The following AOX1 variants were observed in gnomAD, a reference collection of about 807,000 sequenced individuals.
The protein encoded by AOX1 is aldehyde oxidase 1, also known as aldehyde oxidase.
Under a neutral mutation model 169.5 loss-of-function variants are expected in AOX1, and 153 were observed. The ratio of observed to expected loss-of-function variants is 0.90; its 90% confidence interval spans 0.79 to 1.03. The LOEUF (loss-of-function observed/expected upper bound fraction) is 1.03. AOX1 is among the 50% of genes least tolerant of loss of function. The probability of loss-of-function intolerance (pLI) is 0.00; values close to 1 mark genes in which losing one functional copy is unlikely to be tolerated. For missense variants in AOX1, 1,656 were observed against 1,663.9 expected (o/e 1.00, Z 0.08); for synonymous variants, 562 against 581.9 (o/e 0.97, Z 0.49).
intron 25 of AOX1, among the ~76,000 whole-genome samples, chr2:200,648,476 C>T (rs1174920010): frequency 6.6e-6 from 1 of 152,182 alleles, no homozygotes; most frequent in East Asian, 1.9e-4. Context: ...ATACCAGTGC[C>T]TGTTCCGGTG....
Position 200,621,246 on chromosome 2 carries a change from G to A in AOX1, c.2001G>A (p.Lys667=), listed in dbSNP as rs1182244803. Residue 667 remains lysine, a splice_region_variant and synonymous_variant, in exon 18 of 35, where the codon AAG becomes AAA. Transcript: ENST00000374700. ...TEAEKFLATD[K]VFCVGQLVCA... ...CTGAGAAATTTCTGGCGACAGATAA[G>A]GTACTGCATTTTTGCTTTCTATTTG... 8 of 1,609,168 alleles carry A rather than the reference G, an allele frequency of 5.0e-6. No homozygotes were observed. The highest frequency in any genetic ancestry group is 1.1e-5 in the South Asian group (1 of 89,784).
chr2:200,598,809 A>G (rs1417477892), intron 4 of AOX1, among the ~76,000 whole-genome samples: 1 of 152,150 alleles, frequency 6.6e-6, no homozygotes, highest in Non-Finnish European at 1.5e-5. Flanking sequence ...ATGAGAAAAG[A>G]TAGAAGGAAA....
chr2:200,639,455 T>A (rs898060113), intron 23 of AOX1, among the ~76,000 whole-genome samples: 8 of 152,222 alleles, frequency 5.3e-5, no homozygotes, highest in Non-Finnish European at 1.2e-4. Context: ...TAGGATTTGT[T>A]AAATGCATAG....
intron 18 of AOX1, among the ~76,000 whole-genome samples, chr2:200,622,232 G>C (rs17533140): frequency 0.16 from 23,784 of 152,214 alleles, 2,144 homozygotes; most frequent in Non-Finnish European, 0.2. Flanking sequence ...CTTCCACCTA[G>C]TATAAATTCC....
At position 200,621,106 on chromosome 2, in the gene AOX1, T is replaced by G. The variant is rs1280263173; in HGVS notation, c.1875-14T>G. 5 of 1,609,376 alleles carry G rather than the reference T, an allele frequency of 3.1e-6. No individual in the cohort carries two copies. The highest frequency in any genetic ancestry group is 3.4e-6 in the Non-Finnish European group (4 of 1,178,856). On this transcript the variant is annotated splice_polypyrimidine_tract_variant and intron_variant, in intron 17 of 34. Coordinates refer to ENST00000374700, the MANE Select transcript of AOX1 (RefSeq NM_001159.4). The stretch of plus-strand genomic sequence containing the variant: ...ATGGCCACTCTAAGGAGCTCTGCTG[T>G]GTATATCATCTAGGTCTATTGATCT...
intron 19 of AOX1, 24 bp downstream of exon 19, chr2:200,624,007 G>A (rs2034946996): frequency 6.2e-7 from 1 of 1,610,920 alleles, no homozygotes; most frequent in African/African-American, 1.3e-5. Context: ...TGGAATGGTG[G>A]TGCCAGTTGG....
chr2:200,595,201 C>A, intron 2 of AOX1, 71 bp from the exon 3 acceptor site: 2 of 1,116,518 alleles, frequency 1.8e-6, no homozygotes, highest in East Asian at 2.4e-5. Context: ...ATATTACTGT[C>A]TCCTAGTGGC....
At chr2:200,661,745 T>C in intron 30 of AOX1, 114 bp downstream of exon 30, 2 of 776,884 alleles carry the variant, frequency 2.6e-6, no homozygotes, top group Non-Finnish European at 4.4e-6. Flanking sequence ...TATTTACCCA[T>C]GGTTATAAAG....
intron 26 of AOX1, among the ~76,000 whole-genome samples, chr2:200,653,326 G>A (rs1372924267): frequency 6.6e-6 from 1 of 152,182 alleles, no homozygotes; most frequent in East Asian, 1.9e-4. Flanking sequence ...ACTCCGTGGA[G>A]GGCACATGCT....
rs2035347832 is a variant in AOX1, at chr2:200,641,295, A to G, written c.2655+111A>G. On this transcript the variant is annotated intron_variant, in intron 24 of 34. Transcript: ENST00000374700. ...AATATTTGATTATAAAGGTATAATG[A>G]CCATCCTTGCAGGGATAGCCATGTG... is the stretch of plus-strand genomic sequence containing the variant. 3 of 754,562 alleles carry G rather than the reference A, an allele frequency of 4.0e-6. No homozygotes were observed. The Admixed American group carries it at 6.7e-5, about 17-fold the overall frequency. 46.7% of individuals were successfully genotyped at this position (754,562 alleles called of 1,614,324 possible). A position where few individuals can be genotyped will look rare whatever the true frequency, so the allele number is the denominator to read the frequency against.
At chr2:200,681,629 G>C (rs1399421641), downstream of AOX1, 1 of 152,268 alleles carries the variant, frequency 6.6e-6, no homozygotes, top group Non-Finnish European at 1.5e-5. Flanking sequence ...CACACCTCTT[G>C]AGTAGTGTGG....
intron 21 of AOX1, among the ~76,000 whole-genome samples, chr2:200,636,623 A>T (rs1022611872): frequency 6.6e-6 from 1 of 152,192 alleles, no homozygotes; most frequent in Admixed American, 6.5e-5. Context: ...ACTGGTAATG[A>T]AAACACTACT....
At position 200,668,784 on chromosome 2, in the gene AOX1, A is replaced by T. The variant is rs749155461; in HGVS notation, c.3779A>T (p.Asn1260Ile). Residue 1260 changes from asparagine to isoleucine, a missense_variant, in exon 33 of 35, where the codon AAT becomes ATT. Asn to Ile is a moderately radical substitution (Grantham distance 149). Coordinates refer to ENST00000374700, the MANE Select transcript of AOX1 (RefSeq NM_001159.4). ...TTGTTGCCTCCTTCTCAAAACTCAA[A>T]TACTCTTTATTCATCTAAGGTAAGT... ...IALLPPSQNSNTLYSSKGLGE... is the reference protein window; with the variant it reads ...IALLPPSQNSITLYSSKGLGE... 9.9e-6 allele frequency: 16 copies of T among 1,613,974 alleles called. No individual in the cohort carries two copies. The Admixed American group carries it at 2.7e-4, about 27-fold the overall frequency.
chr2:200,653,670 T>C (rs1488017011), intron 26 of AOX1, among the ~76,000 whole-genome samples: 1 of 152,230 alleles, frequency 6.6e-6, no homozygotes, highest in African/African-American at 2.4e-5. Context: ...CCACCTGTGT[T>C]ATGCAGGCAT....
At chr2:200,629,019 A>T (rs562647817) in intron 20 of AOX1, among the ~76,000 whole-genome samples, 1 of 152,326 alleles carries the variant, frequency 6.6e-6, no homozygotes, top group African/African-American at 2.4e-5. Context: ...AAGAGTCCTA[A>T]GACACATCCC....
rs2035569965 is a variant in AOX1 at position 200,651,034 on chromosome 2, G to A, written c.2908G>A (p.Ala970Thr). The stretch of plus-strand genomic sequence containing the variant: ...AACACCCTACAAACAAGAGATCAAT[G>A]CCAAGAACCTAATCCAGTGTTGGAG... Reference protein sequence around the residue: ...DQTPYKQEINAKNLIQCWREC... With the variant: ...DQTPYKQEINTKNLIQCWREC... The change falls in exon 26 of 35, where the codon GCC becomes ACC. Residue 970 changes from alanine (A) to threonine (T), a missense_variant. Physicochemically the swap from Ala to Thr is moderately conservative, Grantham distance 58 (BLOSUM62 0). Transcript: ENST00000374700. 1 of 1,614,206 alleles carries A rather than the reference G, an allele frequency of 6.2e-7. No homozygotes were observed. Among genetic ancestry groups the A allele is most frequent in the East Asian group, 2.2e-5 (1 of 44,884 alleles).
At position 200,599,743 on chromosome 2, in the gene AOX1, G is replaced by T. The variant is rs536753018; in HGVS notation, c.433G>T (p.Gly145Cys). The T allele has an allele frequency of 6.3e-7, 1 of 1,588,052 alleles. No homozygotes were observed. The highest frequency in any genetic ancestry group is 8.6e-7 in the Non-Finnish European group (1 of 1,168,010). Reference protein sequence around the residue: ...PTLDQLTDALGGNLCRCTGYR... With the variant: ...PTLDQLTDALCGNLCRCTGYR... ...TCTGGATCAGTTAACTGATGCCCTT[G>T]GTGGTAGGTTATATATGCATGCTTT... is the stretch of plus-strand genomic sequence containing the variant. Residue 145 changes from glycine (G) to cysteine (C), a missense_variant, in exon 5 of 35, where the codon GGT becomes TGT. By Grantham distance (159) the Gly-to-Cys change is radical. Coordinates refer to ENST00000374700, the MANE Select transcript of AOX1 (RefSeq NM_001159.4).
Position 200,656,870 on chromosome 2 carries a change from A to G in AOX1, c.3104A>G (p.Asp1035Gly), listed in dbSNP as rs2035697689. Reference sequence around the variant, plus strand: ...GCTGCCTTGGTTCACATTTATCTTGATGGCTCTGTGCTGGTCACTCACGGT... The same window carrying G: ...GCTGCCTTGGTTCACATTTATCTTGGTGGCTCTGTGCTGGTCACTCACGGT... ...QAAALVHIYL[D>G]GSVLVTHGGI... is the part of the protein sequence containing the mutation. Residue 1035 changes from aspartate to glycine, a missense_variant, in exon 27 of 35, where the codon GAT (aspartate) becomes GGT (glycine). Asp to Gly is a moderately conservative substitution (Grantham distance 94, BLOSUM62 -1). Coordinates refer to ENST00000374700, the MANE Select transcript of AOX1 (RefSeq NM_001159.4). 6.3e-7 allele frequency: 1 copy of G among 1,586,826 alleles called. No individual in the cohort carries two copies. The highest frequency in any genetic ancestry group is 8.6e-7 in the Non-Finnish European group (1 of 1,166,188).
chr2:200,641,896 A>C (rs1348555505), intron 24 of AOX1, among the ~76,000 whole-genome samples: 1 of 151,956 alleles, frequency 6.6e-6, no homozygotes, highest in Non-Finnish European at 1.5e-5. Context: ...TAATCCCAGC[A>C]CTTTGGGAGG....
Sources: gnomAD v4.1 joint callset for allele counts (sites outside exome capture counted in the v4.1 genomes callset) on GRCh38, gnomAD v4.1.1 for gene constraint, MANE v1.5 for transcripts, NCBI Gene and HGNC (gene_info 2026-07-23, HGNC 2026-07-21) for gene names.